Variants in COL24A1 observed in about 807,000 individuals in gnomAD.
COL24A1 encodes collagen type XXIV alpha 1 chain.
COL24A1 carries 224 observed loss-of-function variants against 253.9 expected under a neutral mutation model. The ratio of observed to expected loss-of-function variants is 0.88; its 90% CI spans 0.79 to 0.99. The LOEUF is 0.99. Ranked by LOEUF, COL24A1 falls within the 50% of genes least tolerant of loss-of-function variation. The pLI is 0.00. For synonymous variants in COL24A1, 685 were observed against 673.7 expected (o/e 1.02, Z -0.26); for missense variants, 2,131 against 2,068.5 (o/e 1.03, Z -0.59).
At chr1:86,138,411 T>C (rs1244266549) in intron 2 of COL24A1, among the ~76,000 whole-genome samples, 1 of 152,170 alleles carries the variant, frequency 6.6e-6, no homozygotes, top group African/African-American at 2.4e-5. Context: ...TTTGGCTGTG[T>C]CCTCACCCAA....
intron 47 of COL24A1, among the ~76,000 whole-genome samples, chr1:85,813,841 G>C (rs149960919): frequency 6.6e-6 from 1 of 151,990 alleles, no homozygotes; most frequent in Non-Finnish European, 1.5e-5. Flanking sequence ...GTGAGCCACC[G>C]CGCCCGGCCT....
intron 53 of COL24A1, among the ~76,000 whole-genome samples, chr1:85,774,808 G>A (rs1266017167): frequency 2.0e-5 from 3 of 151,622 alleles, no homozygotes; most frequent in African/African-American, 4.8e-5. Context: ...TTTGTTGATC[G>A]CTTCAAAATA....
intron 3 of COL24A1, among the ~76,000 whole-genome samples, chr1:86,118,511 T>C (rs1166160383): frequency 6.6e-6 from 1 of 152,224 alleles, no homozygotes; most frequent in African/African-American, 2.4e-5. Context: ...CAGTTAATGT[T>C]GGAAATCCTG....
At chr1:85,953,841 A>G (rs913697106) in intron 24 of COL24A1, among the ~76,000 whole-genome samples, 1 of 152,204 alleles carries the variant, frequency 6.6e-6, no homozygotes, top group Non-Finnish European at 1.5e-5. Context: ...AATCATTAGG[A>G]GTAAATCCTT....
At chr1:85,865,192 CTCTT>C (rs1679649742) in intron 37 of COL24A1, among the ~76,000 whole-genome samples, 1 of 151,782 alleles carries the variant, frequency 6.6e-6, no homozygotes. Context: ...TTCTCTCACT[CTCTT>C]TCTTATTTAT....
intron 7 of COL24A1, among the ~76,000 whole-genome samples, chr1:86,072,698 T>G (rs530743840): frequency 6.6e-6 from 1 of 152,090 alleles, no homozygotes; most frequent in African/African-American, 2.4e-5. Context: ...GGGAGACACC[T>G]CCCAGCAGGG....
At chr1:85,780,832 C>T (rs542658312) in intron 52 of COL24A1, among the ~76,000 whole-genome samples, 6 of 152,252 alleles carry the variant, frequency 3.9e-5, no homozygotes, top group South Asian at 4.1e-4. Context: ...TTCTCTCGAA[C>T]GATTCTTTCC....
intron 12 of COL24A1, among the ~76,000 whole-genome samples, chr1:86,035,380 A>G (rs964392682): frequency 6.6e-6 from 1 of 152,194 alleles, no homozygotes; most frequent in Non-Finnish European, 1.5e-5. Flanking sequence ...GAGGAAATAT[A>G]CTACAGTAAG....
At chr1:85,975,812 G>C (rs1347165648) in intron 20 of COL24A1, among the ~76,000 whole-genome samples, 2 of 152,142 alleles carry the variant, frequency 1.3e-5, no homozygotes, top group East Asian at 3.8e-4. Flanking sequence ...GTGTGTGAGG[G>C]GGAACACCTG....
intron 43 of COL24A1, among the ~76,000 whole-genome samples, chr1:85,832,069 G>T (rs946088310): frequency 1.9e-3 from 293 of 152,004 alleles, no homozygotes; most frequent in African/African-American, 6.3e-3. Context: ...GGTCTAACAT[G>T]TAAGTCTTTA....
At chr1:85,761,291 A>T (rs1220595599) in intron 55 of COL24A1, 105 bp downstream of exon 55, 41 of 1,285,730 alleles carry the variant, frequency 3.2e-5, no homozygotes, top group Non-Finnish European at 4.4e-5. Flanking sequence ...GAACAGAGGT[A>T]TCCAAAAGGG....
intron 18 of COL24A1, 54 bp downstream of exon 18, chr1:86,022,186 G>T: frequency 6.8e-7 from 1 of 1,462,164 alleles, no homozygotes; most frequent in Non-Finnish European, 9.6e-7. Flanking sequence ...CGAGACTCAT[G>T]CCATGACATG....
At chr1:86,046,561 T>C (rs181650339) in intron 12 of COL24A1, among the ~76,000 whole-genome samples, 12 of 152,308 alleles carry the variant, frequency 7.9e-5, no homozygotes, top group African/African-American at 2.9e-4. Flanking sequence ...TGTGACATTT[T>C]AGCTCCTTGC....
chr1:85,778,927 A>AT (rs1016641460), intron 52 of COL24A1, among the ~76,000 whole-genome samples: 1 of 151,964 alleles, frequency 6.6e-6, no homozygotes, highest in African/African-American at 2.4e-5. Context: ...TTATTGTTTT[A>AT]TTTTTTACAT....
chr1:85,813,779 C>T (rs1672809491), intron 47 of COL24A1, among the ~76,000 whole-genome samples: 1 of 151,910 alleles, frequency 6.6e-6, no homozygotes, highest in African/African-American at 2.4e-5. Flanking sequence ...TCTCGATCTC[C>T]TGACCTCGTG....
At chr1:85,962,458 A>C (rs1691172636) in intron 23 of COL24A1, among the ~76,000 whole-genome samples, 1 of 152,180 alleles carries the variant, frequency 6.6e-6, no homozygotes, top group Non-Finnish European at 1.5e-5. Flanking sequence ...AAATATTAAT[A>C]TATCTAATTA....
chr1:86,019,709 T>TA (rs956255326), intron 18 of COL24A1, among the ~76,000 whole-genome samples: 10 of 151,250 alleles, frequency 6.6e-5, no homozygotes, highest in East Asian at 5.8e-4. Flanking sequence ...ATAAAACAAA[T>TA]AAAAAAAAAT....
At position 85,952,261 on chromosome 1, in the gene COL24A1, G is replaced by A. The variant is rs892856944; in HGVS notation, c.2562+8988C>T. Among the ~76,000 whole-genome samples the A allele has an allele frequency of 9.9e-5, 15 of 152,160 alleles. No individual in the cohort carries two copies. In the South Asian group the frequency reaches 1.2e-3, roughly 13 times the overall value. ...AGAAAAATGTTTCTAGTGAACATGC[G>A]CACATAAAGAACAGATTTCACTCCT... On this transcript the variant is annotated intron_variant, in intron 24 of 59. Transcript: ENST00000370571.
At chr1:85,966,044 G>A (rs1402841114) in intron 22 of COL24A1, among the ~76,000 whole-genome samples, 1 of 152,124 alleles carries the variant, frequency 6.6e-6, no homozygotes, top group Non-Finnish European at 1.5e-5. Flanking sequence ...TAGAAGAAGA[G>A]AGTCCAAATA....
Sources: allele counts gnomAD v4.1 joint callset (sites outside exome capture counted in the v4.1 genomes callset), GRCh38; gene constraint gnomAD v4.1.1; transcripts MANE v1.5; gene names NCBI Gene and HGNC (gene_info 2026-07-23, HGNC 2026-07-21).